TAFA4: variants seen among roughly 807,000 people sequenced by gnomAD.
TAFA4 encodes TAFA chemokine like family member 4.
In TAFA4, 20 loss-of-function variants were observed where a neutral mutation model predicts 21.1. The ratio of observed to expected loss-of-function variants is 0.95; its 90% CI spans 0.67 to 1.38. The LOEUF (loss-of-function observed/expected upper bound fraction) is 1.38, where lower values mean the gene tolerates loss of function less well. TAFA4 is among the 40% of genes most tolerant of loss of function. The pLI is 0.00. For missense variants in TAFA4, 211 were observed against 180.9 expected, an observed-to-expected ratio of 1.17 and a Z score of -0.95; for synonymous variants, 71 against 67.4, an observed-to-expected ratio of 1.05 and a Z score of -0.26.
At chr3:68,868,068 G>C (rs1319285153) in intron 3 of TAFA4, among the ~76,000 whole-genome samples, 1 of 151,710 alleles carries the variant, frequency 6.6e-6, no homozygotes, top group Non-Finnish European at 1.5e-5. Flanking sequence ...GTAGATTTTT[G>C]AAAAACACAA....
At chr3:68,919,504 T>C (rs2090037590) in intron 1 of TAFA4, among the ~76,000 whole-genome samples, 1 of 152,240 alleles carries the variant, frequency 6.6e-6, no homozygotes, top group South Asian at 2.1e-4. Context: ...CCTTTTATGA[T>C]GATGCATACC....
At chr3:68,745,554 C>A (rs1465138249) in intron 4 of TAFA4, among the ~76,000 whole-genome samples, 1 of 152,088 alleles carries the variant, frequency 6.6e-6, no homozygotes, top group East Asian at 1.9e-4. Flanking sequence ...ACAGTGACGC[C>A]CTCCCTGGTT....
intron 3 of TAFA4, among the ~76,000 whole-genome samples, chr3:68,817,333 T>G (rs1314569597): frequency 6.6e-6 from 1 of 152,138 alleles, no homozygotes; most frequent in South Asian, 2.1e-4. Flanking sequence ...TACTTCTAAC[T>G]CTCTTGCTAT....
intron 3 of TAFA4, among the ~76,000 whole-genome samples, chr3:68,834,981 A>T (rs1430094021): frequency 6.6e-6 from 1 of 151,986 alleles, no homozygotes; most frequent in Non-Finnish European, 1.5e-5. Context: ...TGGTCATCCT[A>T]CTCAGGATAG....
At chr3:68,794,254 T>G (rs1703415728) in intron 3 of TAFA4, among the ~76,000 whole-genome samples, 1 of 152,174 alleles carries the variant, frequency 6.6e-6, no homozygotes, top group Non-Finnish European at 1.5e-5. Flanking sequence ...TTTTTTCCCC[T>G]CTACTTATCC....
chr3:68,754,089 G>C (rs71302144), intron 3 of TAFA4, among the ~76,000 whole-genome samples: 1 of 152,086 alleles, frequency 6.6e-6, no homozygotes, highest in Non-Finnish European at 1.5e-5. Context: ...GTTTTTCTAA[G>C]CCATTTGAGA....
chr3:68,790,848 A>G (rs967299876), intron 3 of TAFA4, among the ~76,000 whole-genome samples: 1 of 152,126 alleles, frequency 6.6e-6, no homozygotes, highest in African/African-American at 2.4e-5. Context: ...TACTTTGGCC[A>G]TTTTTGCTCT....
rs576801515 is a variant in TAFA4 at position 68,831,030 on chromosome 3, C to T, written c.130+49700G>A. Among the ~76,000 whole-genome samples, 9 of 152,170 alleles carry T rather than the reference C, an allele frequency of 5.9e-5. No homozygotes were observed. In the East Asian group the frequency reaches 1.7e-3, roughly 29 times the overall value. On this transcript the variant is annotated intron_variant, in intron 3 of 5. Coordinates refer to ENST00000295569, the MANE Select transcript of TAFA4 (RefSeq NM_182522.5). ...TGCAACCCCTGTTTTTTTCTGCTTTCCATTTGCTTGGTAGATCTTCCTCCA... is the reference window on the plus strand; with the variant it reads ...TGCAACCCCTGTTTTTTTCTGCTTTTCATTTGCTTGGTAGATCTTCCTCCA...
chr3:68,920,452 G>A (rs1303399120), intron 1 of TAFA4, among the ~76,000 whole-genome samples: 5 of 152,076 alleles, frequency 3.3e-5, no homozygotes, highest in African/African-American at 1.2e-4. Flanking sequence ...AACTTCAAAT[G>A]ATAAGAGAGA....
At chr3:68,759,543 C>A (rs1202904010) in intron 3 of TAFA4, among the ~76,000 whole-genome samples, 1 of 152,032 alleles carries the variant, frequency 6.6e-6, no homozygotes, top group Non-Finnish European at 1.5e-5. Flanking sequence ...CAGAGAGTGG[C>A]CACTTCAAGT....
chr3:68,786,207 C>T (rs1350537369), intron 3 of TAFA4, among the ~76,000 whole-genome samples: 2 of 152,190 alleles, frequency 1.3e-5, no homozygotes, highest in African/African-American at 2.4e-5. Flanking sequence ...CCAGGGCACA[C>T]GTTTATCTAT....
intron 1 of TAFA4, among the ~76,000 whole-genome samples, chr3:68,926,016 GA>G (rs2090104983): frequency 1.3e-5 from 2 of 152,186 alleles, no homozygotes; most frequent in Admixed American, 1.3e-4. Flanking sequence ...CAGATTACTT[GA>G]GGTCAGGAGT....
intron 3 of TAFA4, among the ~76,000 whole-genome samples, chr3:68,874,573 TTGAAAG>T (rs1198727399): frequency 1.3e-5 from 2 of 152,096 alleles, no homozygotes; most frequent in African/African-American, 4.8e-5. Context: ...AGGCCGTGGC[TTGAAAG>T]AAGAAAAAGG....
intron 3 of TAFA4, among the ~76,000 whole-genome samples, chr3:68,852,409 C>T (rs879186414): frequency 6.6e-6 from 1 of 152,214 alleles, no homozygotes; most frequent in Admixed American, 6.5e-5. Flanking sequence ...CCTGTGGCTG[C>T]CTAGCTCTGC....
intron 3 of TAFA4, among the ~76,000 whole-genome samples, chr3:68,754,221 C>T (rs965738625): frequency 6.6e-6 from 1 of 152,186 alleles, no homozygotes; most frequent in East Asian, 1.9e-4. Context: ...AATGCTACTA[C>T]GTAATGTACA....
chr3:68,776,127 G>C (rs1409519507), intron 3 of TAFA4, among the ~76,000 whole-genome samples: 1 of 152,130 alleles, frequency 6.6e-6, no homozygotes, highest in African/African-American at 2.4e-5. Flanking sequence ...AAGAGAGGCA[G>C]CAAGCAGAAA....
chr3:68,807,819 C>T (rs1195950938), intron 3 of TAFA4, among the ~76,000 whole-genome samples: 1 of 151,764 alleles, frequency 6.6e-6, no homozygotes, highest in Non-Finnish European at 1.5e-5. Context: ...CCTAACACAC[C>T]TTTGCTGAGC....
chr3:68,892,578 C>T (rs2089741242), intron 1 of TAFA4, among the ~76,000 whole-genome samples: 1 of 152,080 alleles, frequency 6.6e-6, no homozygotes, highest in African/African-American at 2.4e-5. Context: ...TAAATATGTA[C>T]AAAGAAAGAA....
Position 68,887,193 on chromosome 3 carries a change from G to T in TAFA4, c.-122-1883C>A, listed in dbSNP as rs1399343013. On this transcript the variant is annotated intron_variant, in intron 1 of 5. Transcript: ENST00000295569. ...AAAAGGGAGAAATAGAAAAAGAAAA[G>T]AAGTAACTGGTTCTCAGTATGTCCA... 3.3e-5 allele frequency among the ~76,000 whole-genome samples: 5 copies of T among 152,196 alleles called. No homozygotes were observed. In the East Asian group the frequency reaches 9.6e-4, roughly 29 times the overall value.
Sources: allele counts gnomAD v4.1 joint callset (sites outside exome capture counted in the v4.1 genomes callset), GRCh38; gene constraint gnomAD v4.1.1; transcripts MANE v1.5; gene names NCBI Gene and HGNC (gene_info 2026-07-23, HGNC 2026-07-21).